SQSTM1: variants seen among roughly 807,000 people sequenced by gnomAD.
SQSTM1 encodes the protein sequestosome-1.
SQSTM1 carries 36 observed loss-of-function variants against 45.1 expected under a neutral mutation model. The observed-to-expected ratio is 0.80, with a 90% CI of 0.61 to 1.05. SQSTM1 has a LOEUF of 1.05. Ranked by LOEUF, SQSTM1 falls within the 50% of genes least tolerant of loss-of-function variation. The pLI, the probability that SQSTM1 is intolerant of heterozygous loss-of-function variation, is 0.00. For missense variants in SQSTM1, 617 were observed against 607.1 expected, an observed-to-expected ratio of 1.02 and a Z score of -0.17; for synonymous variants, 290 against 244.3, an observed-to-expected ratio of 1.19 and a Z score of -1.74.
At chr5:179,834,365 G>A (rs1433268268) in intron 7 of SQSTM1, among the ~76,000 whole-genome samples, 1 of 152,146 alleles carries the variant, frequency 6.6e-6, no homozygotes, top group Non-Finnish European at 1.5e-5. Context: ...CTTAGGGCAG[G>A]GGATGGCGAG....
At chr5:179,836,401 C>T (rs540123776) in intron 7 of SQSTM1, 35 bp from the exon 8 acceptor site, 15 of 1,613,980 alleles carry the variant, frequency 9.3e-6, no homozygotes, top group Non-Finnish European at 1.3e-5. Context: ...CAGGGCTCAG[C>T]ACCACTCCTC....
At chr5:179,811,389 GA>G in intron 1 of SQSTM1, among the ~76,000 whole-genome samples, 1 of 39,322 alleles carries the variant, frequency 2.5e-5, no homozygotes, top group Non-Finnish European at 6.4e-5. Flanking sequence ...GCAGGGGGAG[GA>G]GCTATGCAGG....
At chr5:179,820,790 C>G (rs1181727996), upstream of SQSTM1, 1 of 744,852 alleles carries the variant, frequency 1.3e-6, no homozygotes, top group Non-Finnish European at 2.0e-6. Flanking sequence ...CAGGGCGGCT[C>G]TCGCGCCGCG....
rs1304435976 is a variant in SQSTM1, at chr5:179,837,889, A to G, written c.*1296A>G. 6.2e-7 allele frequency: 1 copy of G among 1,601,272 alleles called. No individual in the cohort carries two copies. Among genetic ancestry groups the G allele is most frequent in the Non-Finnish European group, 8.5e-7 (1 of 1,178,022 alleles). Reference sequence around the variant, plus strand: ...TCCATGTCAGGCCAGCCTGTCCCTGAAAGAGAAGATGGCCATGCCCTCCAT... The same window carrying G: ...TCCATGTCAGGCCAGCCTGTCCCTGGAAGAGAAGATGGCCATGCCCTCCAT... On this transcript the variant is annotated 3_prime_UTR_variant, in exon 8 of 8. Transcript: ENST00000389805.
At chr5:179,831,955 T>C (rs1399880945) in intron 5 of SQSTM1, among the ~76,000 whole-genome samples, 1 of 151,966 alleles carries the variant, frequency 6.6e-6, no homozygotes, top group Non-Finnish European at 1.5e-5. Flanking sequence ...AGCTGATTTT[T>C]TGTATTTTTA....
intron 5 of SQSTM1, among the ~76,000 whole-genome samples, chr5:179,830,808 C>T (rs1035464077): frequency 2.0e-5 from 3 of 151,870 alleles, no homozygotes; most frequent in African/African-American, 4.8e-5. Flanking sequence ...TACCTGCCTT[C>T]GTCTCCCAAA....
rs1758660529 is a variant in SQSTM1 at position 179,837,675 on chromosome 5, G to C, written c.*1082G>C. ...CCAGCTGGCCTGGGGTCCCTCTGAA[G>C]AGACCTTGGCTGCTCACTGTCCACA... On this transcript the variant is annotated 3_prime_UTR_variant, in exon 8 of 8. Coordinates refer to ENST00000389805, the MANE Select transcript of SQSTM1 (RefSeq NM_003900.5). The C allele has an allele frequency of 5.0e-6, 8 of 1,614,246 alleles. No individual in the cohort carries two copies. Among genetic ancestry groups the C allele is most frequent in the Non-Finnish European group, 6.8e-6 (8 of 1,180,048 alleles).
At position 179,821,091 on chromosome 5, in the gene SQSTM1, C is replaced by G; in HGVS notation, c.155C>G (p.Ala52Gly). 1 of 1,444,988 alleles carries G rather than the reference C, an allele frequency of 6.9e-7. No individual in the cohort carries two copies. The highest frequency in any genetic ancestry group is 9.1e-7 in the Non-Finnish European group (1 of 1,101,588). 89.5% of individuals were successfully genotyped at this position (1,444,988 alleles called of 1,614,324 possible). ...TGCGAGCGGCTGCTGAGCCGGGTGG[C>G]CGCCCTGTTCCCCGCGCTGCGGCCT... Reference protein sequence around the residue: ...GPCERLLSRVAALFPALRPGG... With the variant: ...GPCERLLSRVGALFPALRPGG... The change falls in exon 1 of 8, where the codon GCC becomes GGC. Residue 52 changes from alanine to glycine, a missense_variant. Ala to Gly is a moderately conservative substitution (Grantham distance 60). Transcript: ENST00000389805.
At chr5:179,817,737 G>A (rs994414454), upstream of SQSTM1, among the ~76,000 whole-genome samples, 8 of 152,142 alleles carry the variant, frequency 5.3e-5, no homozygotes, top group Admixed American at 3.9e-4. Context: ...CTGGCCGGGC[G>A]GGTGGCTCAC....
chr5:179,831,590 G>A (rs776775825), intron 5 of SQSTM1, among the ~76,000 whole-genome samples: 143 of 152,096 alleles, frequency 9.4e-4, no homozygotes, highest in Non-Finnish European at 5.3e-4. Flanking sequence ...TGAACCTGGT[G>A]GGCAGAGGCT....
chr5:179,811,996 G>A (rs1757433007), intron 2 of SQSTM1: 1 of 152,110 alleles, frequency 6.6e-6, no homozygotes, highest in South Asian at 2.1e-4. Flanking sequence ...AGTAGAGACG[G>A]GGTTTCACCG....
rs1554091445 is a variant in SQSTM1 at position 179,833,628 on chromosome 5, C to T, written c.1011C>T (p.Asp337=). 6.2e-7 allele frequency: 1 copy of T among 1,614,062 alleles called. No homozygotes were observed. The highest frequency in any genetic ancestry group is 1.1e-5 in the South Asian group (1 of 91,082). ...ESDNCSGGDD[D]WTHLSSKEVD... ...ATAACTGTTCAGGAGGAGATGATGA[C>T]TGGACCCATCTGTCTTCAAAAGAAG... The change falls in exon 7 of 8, where the codon GAC becomes GAT. Residue 337 remains aspartate (D), a synonymous_variant. Coordinates refer to ENST00000389805, the MANE Select transcript of SQSTM1 (RefSeq NM_003900.5).
At chr5:179,823,099 C>T (rs773205472) in intron 2 of SQSTM1, 46 bp downstream of exon 2, 59 of 1,546,732 alleles carry the variant, frequency 3.8e-5, no homozygotes, top group Admixed American at 5.1e-5. Flanking sequence ...TCAGCTTGTA[C>T]TCAGTTCCCT....
At chr5:179,831,964 T>C (rs1175426334) in intron 5 of SQSTM1, among the ~76,000 whole-genome samples, 2 of 152,130 alleles carry the variant, frequency 1.3e-5, no homozygotes, top group East Asian at 3.9e-4. Flanking sequence ...TTTGTATTTT[T>C]AGTAGAGACG....
intron 1 of SQSTM1, chr5:179,808,137 C>T (rs1340249342): frequency 4.6e-5 from 7 of 152,444 alleles, no homozygotes; most frequent in African/African-American, 1.4e-4. Flanking sequence ...TCTGCCCCAC[C>T]CGCCCGGGGG....
intron 1 of SQSTM1, among the ~76,000 whole-genome samples, chr5:179,809,781 T>C (rs1757339734): frequency 2.0e-5 from 3 of 151,244 alleles, no homozygotes; most frequent in African/African-American, 7.3e-5. Flanking sequence ...GTAGCTGAGA[T>C]TACAGGCGTG....
rs1253058017 is a variant in SQSTM1, at chr5:179,833,172, A to G, written c.895A>G (p.Asn299Asp). Residue 299 changes from asparagine (N) to aspartate (D), a missense_variant, in exon 6 of 8, where the codon AAT becomes GAT. Coordinates refer to ENST00000389805, the MANE Select transcript of SQSTM1 (RefSeq NM_003900.5). ...CTCTGACCCCAGCAAGCCGGGTGGG[A>G]ATGTTGAGGGCGCCACGCAGTCTCT... is the stretch of plus-strand genomic sequence containing the variant. ...CCSDPSKPGG[N>D]VEGATQSLAE... 2 of 1,613,962 alleles carry G rather than the reference A, an allele frequency of 1.2e-6. No homozygotes were observed. Among genetic ancestry groups the G allele is most frequent in the South Asian group, 1.1e-5 (1 of 91,066 alleles).
In SQSTM1 at chr5:179,831,104, C is replaced by T. The variant is rs923779263; in HGVS notation, c.755-1928C>T. 3.9e-5 allele frequency among the ~76,000 whole-genome samples: 6 copies of T among 152,302 alleles called. No homozygotes were observed. In the South Asian group the frequency reaches 1.2e-3, roughly 32 times the overall value. ...ATTATTTTAACCTTGGTTTGAACCA[C>T]ATGAAGAGAGAAACCCAAAATGAAG... On this transcript the variant is annotated intron_variant, in intron 5 of 7. Coordinates refer to ENST00000389805, the MANE Select transcript of SQSTM1 (RefSeq NM_003900.5).
rs964351648 is a variant in SQSTM1, at chr5:179,822,570, C to T, written c.206-388C>T. The T allele has an allele frequency of 4.7e-5, 16 of 337,820 alleles. No homozygotes were observed. In the Admixed American group the frequency reaches 5.2e-4, roughly 11 times the overall value. The allele number at this position is 337,820 out of a possible 1,614,324, so 20.9% of individuals were successfully genotyped here. On this transcript the variant is annotated intron_variant, in intron 1 of 7. Transcript: ENST00000389805. The stretch of plus-strand genomic sequence containing the variant: ...TCTAAGGCCTTTGTGGGGCTGGGCC[C>T]CTCAGGAGCAGGTCACAGGCAGGGA...
Sources: allele counts gnomAD v4.1 joint callset (sites outside exome capture counted in the v4.1 genomes callset), GRCh38; gene constraint gnomAD v4.1.1; transcripts MANE v1.5; gene names NCBI Gene and HGNC (gene_info 2026-07-23, HGNC 2026-07-21).